TPTE: variants seen among roughly 807,000 people sequenced by gnomAD.
TPTE encodes the protein transmembrane phosphatase with tensin homology.
TPTE carries 59 observed loss-of-function variants against 84.1 expected under a neutral mutation model. The observed-to-expected ratio is 0.70, with a 90% CI of 0.57 to 0.87. TPTE has a LOEUF of 0.87. Ranked by LOEUF, TPTE falls within the 40% of genes least tolerant of loss-of-function variation. The probability of loss-of-function intolerance (pLI) is 0.00; values close to 1 mark genes in which losing one functional copy is unlikely to be tolerated. For missense variants in TPTE, 382 were observed against 659.6 expected (o/e 0.58, Z 4.61); for synonymous variants, 130 against 223.5 (o/e 0.58, Z 3.73).
At chr21:10,594,267 C>T (rs1455733619) in intron 19 of TPTE, among the ~76,000 whole-genome samples, 1 of 152,308 alleles carries the variant, frequency 6.6e-6, no homozygotes, top group South Asian at 2.1e-4. Flanking sequence ...TTCCTAGAGT[C>T]CCTTTCCCTT....
intron 10 of TPTE, among the ~76,000 whole-genome samples, chr21:10,565,854 A>C (rs1386203065): frequency 6.6e-6 from 1 of 152,306 alleles, no homozygotes; most frequent in African/African-American, 2.4e-5. Context: ...ACAAAAATCA[A>C]ATCAACATGA....
chr21:10,573,656 A>G (rs1185244620), intron 14 of TPTE, among the ~76,000 whole-genome samples: 1 of 152,310 alleles, frequency 6.6e-6, no homozygotes, highest in Non-Finnish European at 1.5e-5. Context: ...ATTGTATACA[A>G]GTATTGAGAT....
chr21:10,526,301 T>G (rs2074077688), intron 2 of TPTE, among the ~76,000 whole-genome samples: 1 of 152,308 alleles, frequency 6.6e-6, no homozygotes, highest in South Asian at 2.1e-4. Context: ...ACTCCTTTCC[T>G]CACAGGCTGA....
chr21:10,546,548 TA>T (rs2074471635), intron 7 of TPTE, among the ~76,000 whole-genome samples: 1 of 152,294 alleles, frequency 6.6e-6, no homozygotes, highest in Non-Finnish European at 1.5e-5. Context: ...GTTGTGAATG[TA>T]AAACAAAAAC....
chr21:10,589,040 G>C (rs1440060541), intron 17 of TPTE, among the ~76,000 whole-genome samples: 1 of 152,312 alleles, frequency 6.6e-6, no homozygotes, highest in Non-Finnish European at 1.5e-5. Flanking sequence ...GAGCTATTGT[G>C]ATCCTTTGGC....
chr21:10,558,350 C>T (rs1364751997), intron 8 of TPTE, among the ~76,000 whole-genome samples: 2 of 152,310 alleles, frequency 1.3e-5, no homozygotes, highest in Admixed American at 6.5e-5. Flanking sequence ...AGTGATTGAA[C>T]TAATTTACAC....
intron 4 of TPTE, chr21:10,540,829 A>G (rs2074356089): frequency 1.8e-6 from 1 of 569,428 alleles, no homozygotes; most frequent in Admixed American, 1.9e-5. Context: ...AATTTGAACT[A>G]GAATTAAATG....
chr21:10,580,568 G>A (rs1362954857), intron 17 of TPTE, among the ~76,000 whole-genome samples: 1 of 152,310 alleles, frequency 6.6e-6, no homozygotes, highest in Non-Finnish European at 1.5e-5. Flanking sequence ...TCTGCAAGTG[G>A]ATATTCAGTT....
At chr21:10,522,508 A>G (rs994237657) in intron 1 of TPTE, among the ~76,000 whole-genome samples, 4 of 152,312 alleles carry the variant, frequency 2.6e-5, no homozygotes, top group African/African-American at 7.2e-5. Context: ...AAGGGCTGGG[A>G]CAAGTTGGAA....
intron 4 of TPTE, among the ~76,000 whole-genome samples, 155 bp downstream of exon 4, chr21:10,538,889 A>G (rs1362101009): frequency 3.3e-5 from 5 of 152,308 alleles, no homozygotes; most frequent in African/African-American, 9.6e-5. Context: ...AAATCCATGC[A>G]TACAGTGGAA....
intron 17 of TPTE, among the ~76,000 whole-genome samples, chr21:10,588,549 G>A (rs1226756164): frequency 1.6e-4 from 24 of 152,372 alleles, no homozygotes; most frequent in African/African-American, 5.8e-4. Context: ...GTACTTAGAT[G>A]TCTATCTAGC....
chr21:10,558,961 A>G (rs1246759728), intron 8 of TPTE, among the ~76,000 whole-genome samples: 2 of 152,310 alleles, frequency 1.3e-5, no homozygotes, highest in African/African-American at 2.4e-5. Flanking sequence ...TCTTACTAAA[A>G]TGTCTTACCT....
chr21:10,543,171 A>C (rs920927795), intron 6 of TPTE, among the ~76,000 whole-genome samples, 158 bp from the exon 7 acceptor site: 13 of 139,808 alleles, frequency 9.3e-5, no homozygotes, highest in Non-Finnish European at 1.6e-4. Flanking sequence ...CTGGGACTAC[A>C]GGCGCCCGCC....
intron 9 of TPTE, 71 bp downstream of exon 9, chr21:10,559,615 T>A: frequency 1.9e-6 from 3 of 1,609,720 alleles, no homozygotes; most frequent in Non-Finnish European, 1.7e-6. Flanking sequence ...GGCTCACACC[T>A]GTAATCCCAG....
chr21:10,564,780 G>C (rs1230466913), intron 10 of TPTE, among the ~76,000 whole-genome samples: 1 of 152,282 alleles, frequency 6.6e-6, no homozygotes, highest in African/African-American at 2.4e-5. Context: ...TGCTGAAAAA[G>C]CATTTGATAA....
chr21:10,544,865 T>C (rs1600876011), intron 7 of TPTE, among the ~76,000 whole-genome samples: 1 of 152,310 alleles, frequency 6.6e-6, no homozygotes. Flanking sequence ...AAACAGTAAC[T>C]TGGGGATTAG....
At chr21:10,554,157 A>G (rs1304162702) in intron 8 of TPTE, among the ~76,000 whole-genome samples, 1 of 152,308 alleles carries the variant, frequency 6.6e-6, no homozygotes, top group South Asian at 2.1e-4. Context: ...GTTAATATAT[A>G]TTCATGTGCA....
At chr21:10,538,594 G>T (rs757866981) in intron 3 of TPTE, 87 bp from the exon 4 acceptor site, 60 of 1,587,802 alleles carry the variant, frequency 3.8e-5, no homozygotes, top group South Asian at 5.6e-5. Context: ...ACTGGTTTAT[G>T]TGCAGATTAA....
intron 10 of TPTE, among the ~76,000 whole-genome samples, chr21:10,561,508 A>T (rs1473435420): frequency 6.6e-6 from 1 of 152,280 alleles, no homozygotes; most frequent in Non-Finnish European, 1.5e-5. Context: ...AAAAAAAAAA[A>T]AGCATTTTAA....
Sources: allele counts gnomAD v4.1 joint callset (sites outside exome capture counted in the v4.1 genomes callset), GRCh38; gene constraint gnomAD v4.1.1; transcripts MANE v1.5; gene names NCBI Gene and HGNC (gene_info 2026-07-23, HGNC 2026-07-21).